Variants in IGDCC4 observed in about 807,000 individuals in gnomAD.
IGDCC4 encodes the protein immunoglobulin superfamily DCC subclass member 4.
A neutral mutation model predicts 116.6 loss-of-function variants in IGDCC4; 72 were observed. The observed-to-expected ratio is 0.62, with a 90% CI of 0.51 to 0.75. The LOEUF (loss-of-function observed/expected upper bound fraction) is 0.75. Among genes scored for constraint, IGDCC4 ranks in the 30% least tolerant of loss-of-function variants. The probability of loss-of-function intolerance (pLI) is 0.00; values close to 1 mark genes in which losing one functional copy is unlikely to be tolerated. For missense variants in IGDCC4, 1,501 were observed against 1,662.4 expected, an observed-to-expected ratio of 0.90 and a Z score of 1.69; for synonymous variants, 709 against 719.9, an observed-to-expected ratio of 0.98 and a Z score of 0.24.
chr15:65,401,521 A>G lies in IGDCC4; in HGVS notation c.701-575T>C, dbSNP rs150640235. 6.5e-3 allele frequency among the ~76,000 whole-genome samples: 986 copies of G among 152,248 alleles called. 6 individuals are homozygous for G. The highest frequency in any genetic ancestry group is 9.7e-3 in the Admixed American group (148 of 15,292). On this transcript the variant is annotated intron_variant, in intron 4 of 19. Transcript: ENST00000352385. The stretch of plus-strand genomic sequence containing the variant: ...AGCAGGTGGAGGCAGATACCCCTTG[A>G]ACAGAAGAAAGACGACACCAGACTG...
intron 6 of IGDCC4, 43 bp downstream of exon 6, chr15:65,396,791 A>G: frequency 6.5e-7 from 1 of 1,545,444 alleles, no homozygotes. Flanking sequence ...TATTCACCCC[A>G]GCCCCAGCTA....
Position 65,393,312 on chromosome 15 carries a change from A to C in IGDCC4, c.1885+49T>G. On this transcript the variant is annotated intron_variant, in intron 10 of 19. Coordinates refer to ENST00000352385, the MANE Select transcript of IGDCC4 (RefSeq NM_020962.3). This position sits in a 1 kb window ranked among gnomAD's most constrained non-coding sequence, Gnocchi z 4.6. Reference sequence around the variant, plus strand: ...CGCTGGGTCCCAAGGACACACGCACACCCACACAGTCACACACACACTGTC... The same window carrying C: ...CGCTGGGTCCCAAGGACACACGCACCCCCACACAGTCACACACACACTGTC... 6.5e-7 allele frequency: 1 copy of C among 1,530,352 alleles called. No individual in the cohort carries two copies. Among genetic ancestry groups the C allele is most frequent in the Non-Finnish European group, 8.8e-7 (1 of 1,133,146 alleles). The allele number at this position is 1,530,352 out of a possible 1,614,324, so 94.8% of individuals were successfully genotyped here. A position where few individuals can be genotyped will look rare whatever the true frequency, so the allele number is the denominator to read the frequency against.
In IGDCC4 at chr15:65,411,286, G is replaced by A; in HGVS notation, c.155C>T (p.Ala52Val). The change falls in exon 2 of 20, where the codon GCT becomes GTT. Residue 52 changes from alanine (A) to valine (V), a missense_variant. By Grantham distance (64) the Ala-to-Val change is moderately conservative. Transcript: ENST00000352385. The stretch of plus-strand genomic sequence containing the variant: ...CCCCAGGCTACAGTTTAGCACTGCA[G>A]CCTGCTCTGGGCCCAGGATCACTTG... ...PLQVILGPEQ[A>V]AVLNCSLGAA... 6.2e-7 allele frequency: 1 copy of A among 1,613,340 alleles called. No individual in the cohort carries two copies. The highest frequency in any genetic ancestry group is 8.5e-7 in the Non-Finnish European group (1 of 1,179,650).
rs2062996514 is a variant in IGDCC4 at position 65,402,413 on chromosome 15, A to G, written c.638T>C (p.Val213Ala). The change falls in exon 4 of 20, where the codon GTG becomes GCG. Residue 213 changes from valine to alanine, a missense_variant. This residue lies in a region of IGDCC4 where 898 missense variants were observed against 978.9 expected (regional missense o/e 0.92). Coordinates refer to ENST00000352385, the MANE Select transcript of IGDCC4 (RefSeq NM_020962.3). The stretch of plus-strand genomic sequence containing the variant: ...GTGCTGGCGAGCTGAGTTGGTGGCC[A>G]CGCAGCGGTAGGGGCCTGCATCACT... Reference protein sequence around the residue: ...QESDAGPYRCVATNSARQHFS... With the variant: ...QESDAGPYRCAATNSARQHFS... 7.6e-6 allele frequency: 12 copies of G among 1,569,420 alleles called. No individual in the cohort carries two copies. Among genetic ancestry groups the G allele is most frequent in the African/African-American group, 1.3e-5 (1 of 74,112 alleles).
At chr15:65,403,026 G>A (rs1450166632) in intron 3 of IGDCC4, among the ~76,000 whole-genome samples, 1 of 152,166 alleles carries the variant, frequency 6.6e-6, no homozygotes, top group Non-Finnish European at 1.5e-5. Context: ...GCAAGTTGGT[G>A]ATATCTCAAC....
intron 5 of IGDCC4, among the ~76,000 whole-genome samples, chr15:65,398,176 G>C (rs1288587136): frequency 1.3e-5 from 2 of 152,152 alleles, no homozygotes; most frequent in Non-Finnish European, 2.9e-5. Context: ...TGGAGTGTTT[G>C]AGTGTTTTCT....
At chr15:65,389,262 C>A in intron 14 of IGDCC4, 22 bp downstream of exon 14, 1 of 1,606,626 alleles carries the variant, frequency 6.2e-7, no homozygotes, top group Non-Finnish European at 8.5e-7. Flanking sequence ...GGGTTGGTGG[C>A]AAGGGGCTGG....
chr15:65,407,622 C>T (rs28562661), intron 3 of IGDCC4, among the ~76,000 whole-genome samples: 32,301 of 151,466 alleles, frequency 0.21, 4,237 homozygotes, highest in East Asian at 0.69. Context: ...GGATTACAGG[C>T]GTGAGCCACT....
rs958636007 is a variant in IGDCC4 at position 65,422,876 on chromosome 15, G to GGCC, written c.-17_-15dup. ...CCCCCGCGCCATGGGGCTGGGCTCG[G>GGCC]GCCGCCGCCGCCGCCGCCGCCTCCC... On this transcript the variant is annotated 5_prime_UTR_variant, in exon 1 of 20. Coordinates refer to ENST00000352385, the MANE Select transcript of IGDCC4 (RefSeq NM_020962.3). 1.9e-4 allele frequency: 211 copies of GGCC among 1,104,090 alleles called. No individual in the cohort carries two copies. In the African/African-American group the frequency reaches 2.5e-3, roughly 13 times the overall value. 68.4% of individuals were successfully genotyped at this position (1,104,090 alleles called of 1,614,324 possible). A position where few individuals can be genotyped will look rare whatever the true frequency, so the allele number is the denominator to read the frequency against.
rs1407218346 is a variant in IGDCC4 at position 65,384,637 on chromosome 15, AC to A, written c.3343-219del. On this transcript the variant is annotated intron_variant, in intron 19 of 19. Coordinates refer to ENST00000352385, the MANE Select transcript of IGDCC4 (RefSeq NM_020962.3). This position sits in a 1 kb window ranked among gnomAD's most constrained non-coding sequence, Gnocchi z 4.9. ...CATCCAGGAGTTTCAGGAGTACCAGACTCAGTCAGGGCCTCTGGGGACAGGA... is the reference window on the plus strand; with the variant it reads ...CATCCAGGAGTTTCAGGAGTACCAGATCAGTCAGGGCCTCTGGGGACAGGA... Among the ~76,000 whole-genome samples, 1 of 152,058 alleles carries A rather than the reference AC, an allele frequency of 6.6e-6. No individual in the cohort carries two copies. The highest frequency in any genetic ancestry group is 1.5e-5 in the Non-Finnish European group (1 of 67,992).
chr15:65,393,569 C>T lies in IGDCC4; in HGVS notation c.1715-38G>A. Reference sequence around the variant, plus strand: ...AAAAGGTGGGCTGCTGGGTAGCCACCTGAGGAACAGGATCCTAAACCCCCC... The same window carrying T: ...AAAAGGTGGGCTGCTGGGTAGCCACTTGAGGAACAGGATCCTAAACCCCCC... On this transcript the variant is annotated intron_variant, in intron 9 of 19. Transcript: ENST00000352385. The surrounding 1 kb of genome is among the most constrained non-coding windows in gnomAD (Gnocchi z 4.6). 1 of 1,558,778 alleles carries T rather than the reference C, an allele frequency of 6.4e-7. No individual in the cohort carries two copies. Among genetic ancestry groups the T allele is most frequent in the Non-Finnish European group, 8.7e-7 (1 of 1,147,760 alleles).
At chr15:65,390,110 T>G in intron 13 of IGDCC4, 45 bp downstream of exon 13, 2 of 1,178,198 alleles carry the variant, frequency 1.7e-6, no homozygotes, top group Non-Finnish European at 2.4e-6. Flanking sequence ...ACCCCCCACC[T>G]ATTCTTCCTC....
At chr15:65,412,658 G>A (rs2140235771) in intron 1 of IGDCC4, among the ~76,000 whole-genome samples, 1 of 152,090 alleles carries the variant, frequency 6.6e-6, no homozygotes, top group South Asian at 2.1e-4. Context: ...AGGCATGGCA[G>A]CTCACTCCTG....
At chr15:65,414,465 T>A (rs540831239) in intron 1 of IGDCC4, among the ~76,000 whole-genome samples, 1 of 152,338 alleles carries the variant, frequency 6.6e-6, no homozygotes, top group Admixed American at 6.5e-5. Context: ...GGGAAGAAGA[T>A]CAAGGTTTCA....
intron 16 of IGDCC4, among the ~76,000 whole-genome samples, chr15:65,386,935 T>C (rs1298781370): frequency 7.9e-5 from 12 of 152,204 alleles, no homozygotes; most frequent in Non-Finnish European, 1.3e-4. Flanking sequence ...CCAGGGCTGT[T>C]GCATGGGTGT....
At chr15:65,401,309 T>A (rs2140217342) in intron 4 of IGDCC4, among the ~76,000 whole-genome samples, 1 of 152,352 alleles carries the variant, frequency 6.6e-6, no homozygotes, top group South Asian at 2.1e-4. Flanking sequence ...GTTCCAGCAC[T>A]GCCATTAACG....
chr15:65,407,986 C>A (rs769824603), intron 3 of IGDCC4, among the ~76,000 whole-genome samples: 1 of 151,496 alleles, frequency 6.6e-6, no homozygotes, highest in African/African-American at 2.4e-5. Context: ...CCAGGTTGGT[C>A]TCTAACTCCT....
At chr15:65,419,242 T>TA (rs2063169804) in intron 1 of IGDCC4, among the ~76,000 whole-genome samples, 3 of 149,368 alleles carry the variant, frequency 2.0e-5, no homozygotes, top group East Asian at 3.9e-4. Flanking sequence ...TTTTTTTTTT[T>TA]AATTTTTCGT....
chr15:65,391,885 G>T lies in IGDCC4; in HGVS notation c.2219C>A (p.Ala740Glu). 6.2e-7 allele frequency: 1 copy of T among 1,613,396 alleles called. No individual in the cohort carries two copies. The highest frequency in any genetic ancestry group is 8.5e-7 in the Non-Finnish European group (1 of 1,179,856). Residue 740 changes from alanine to glutamate, a missense_variant, in exon 12 of 20, where the codon GCA becomes GAA. This residue lies in a region of IGDCC4 where 235 missense variants were observed against 328.0 expected (regional missense o/e 0.72). Coordinates refer to ENST00000352385, the MANE Select transcript of IGDCC4 (RefSeq NM_020962.3). ...VWKGKTEKAP[A>E]PDMPIQRGPP... ...TCTTCCCCCACCGCCCTCACCTGGT[G>T]CCGGCGCCTTCTCCGTCTTGCCCTT...
Sources: gnomAD v4.1 joint callset for allele counts (sites outside exome capture counted in the v4.1 genomes callset) on GRCh38, gnomAD v4.1.1 for gene constraint, gnomAD v4.1.1 regional missense constraint, Gnocchi (gnomAD v3.1) non-coding constraint, MANE v1.5 for transcripts, NCBI Gene and HGNC (gene_info 2026-07-23, HGNC 2026-07-21) for gene names.